SUCLG2: variants seen among roughly 807,000 people sequenced by gnomAD.
SUCLG2 encodes succinate--CoA ligase [GDP-forming] subunit beta, mitochondrial.
Under a neutral mutation model 47.9 loss-of-function variants are expected in SUCLG2, and 42 were observed. The observed-to-expected ratio is 0.88, with a 90% CI of 0.69 to 1.14. The LOEUF is 1.14. Among genes scored for constraint, SUCLG2 ranks in the 50% most tolerant of loss-of-function variants. SUCLG2 has a pLI of 0.00. For missense variants in SUCLG2, 571 were observed against 525.9 expected, an observed-to-expected ratio of 1.09 and a Z score of -0.84; for synonymous variants, 195 against 197.3, an observed-to-expected ratio of 0.99 and a Z score of 0.10.
At chr3:67,385,644 G>A (rs1243162219) in intron 10 of SUCLG2, among the ~76,000 whole-genome samples, 1 of 152,216 alleles carries the variant, frequency 6.6e-6, no homozygotes, top group East Asian at 1.9e-4. Context: ...GAAGTCTAGT[G>A]GAGCCTGTGA....
rs115888707 is a variant in SUCLG2 at position 67,511,992 on chromosome 3, G to C, written c.661-3089C>G. On this transcript the variant is annotated intron_variant, in intron 6 of 10. Coordinates refer to ENST00000307227, the MANE Select transcript of SUCLG2 (RefSeq NM_003848.4). ...CAGCCTTTCAAATAGCTGGACTACA[G>C]GCACATGCCACTAGGCTGAGCTAAT... Among the ~76,000 whole-genome samples, 777 of 151,060 alleles carry C rather than the reference G, an allele frequency of 5.1e-3. 59 individuals carry two copies. Among genetic ancestry groups the C allele is most frequent in the African/African-American group, 0.019 (755 of 40,434 alleles).
intron 9 of SUCLG2, among the ~76,000 whole-genome samples, chr3:67,442,381 C>T (rs1025048825): frequency 6.6e-6 from 1 of 152,128 alleles, no homozygotes; most frequent in Non-Finnish European, 1.5e-5. Flanking sequence ...CCTGGAACAG[C>T]GGCATCAGTA....
intron 2 of SUCLG2, among the ~76,000 whole-genome samples, chr3:67,603,765 A>G (rs1210812757): frequency 6.6e-6 from 1 of 152,246 alleles, no homozygotes; most frequent in Non-Finnish European, 1.5e-5. Context: ...TTATATACAA[A>G]TACTTTTTTA....
In SUCLG2 at chr3:67,539,642, T is replaced by A. The variant is rs150739154; in HGVS notation, c.227-10456A>T. Among the ~76,000 whole-genome samples the A allele has an allele frequency of 7.0e-3, 1,066 of 152,334 alleles. 9 individuals are homozygous for A. Among genetic ancestry groups the A allele is most frequent in the African/African-American group, 0.025 (1,021 of 41,576 alleles). On this transcript the variant is annotated intron_variant, in intron 2 of 10. Coordinates refer to ENST00000307227, the MANE Select transcript of SUCLG2 (RefSeq NM_003848.4). ...TAGTTTCAGAAGGAATGGTACCAGC[T>A]CCTCTTTGTACCTACGGCAGAAGTC...
intron 2 of SUCLG2, among the ~76,000 whole-genome samples, chr3:67,538,259 A>C (rs1706601389): frequency 6.6e-6 from 1 of 152,132 alleles, no homozygotes; most frequent in Non-Finnish European, 1.5e-5. Context: ...AGGCGTAAGG[A>C]AGGGGTCCAG....
intron 9 of SUCLG2, among the ~76,000 whole-genome samples, chr3:67,446,416 C>CTTTTTT (rs1703925530): frequency 1.3e-5 from 1 of 78,312 alleles, no homozygotes; most frequent in African/African-American, 5.0e-5. Context: ...TACATATGTA[C>CTTTTTT]ATTTTTTTTT....
Position 67,393,801 on chromosome 3 carries a change from C to G in SUCLG2, c.1183+6930G>C, listed in dbSNP as rs923485969. Among the ~76,000 whole-genome samples the G allele has an allele frequency of 5.3e-5, 8 of 152,124 alleles. No homozygotes were observed. The South Asian group carries it at 8.3e-4, about 16-fold the overall frequency. ...AGGGGCAGACTGACACCTCACATGG[C>G]CGGGTACTCCTCTGAGACAAAACTT... On this transcript the variant is annotated intron_variant, in intron 10 of 10. Coordinates refer to ENST00000307227, the MANE Select transcript of SUCLG2 (RefSeq NM_003848.4).
chr3:67,478,138 TAGCTC>T (rs1035268295), intron 9 of SUCLG2, among the ~76,000 whole-genome samples: 19 of 152,182 alleles, frequency 1.2e-4, no homozygotes, highest in African/African-American at 4.3e-4. Flanking sequence ...TCTTATCAGC[TAGCTC>T]AACAATGCCT....
chr3:67,612,520 T>C (rs1249010798), intron 1 of SUCLG2, among the ~76,000 whole-genome samples: 2 of 152,182 alleles, frequency 1.3e-5, no homozygotes, highest in Admixed American at 1.3e-4. Flanking sequence ...ATAACAATAA[T>C]AGTTCCATCT....
At chr3:67,598,837 T>C (rs892572914) in intron 2 of SUCLG2, among the ~76,000 whole-genome samples, 1 of 152,142 alleles carries the variant, frequency 6.6e-6, no homozygotes, top group Admixed American at 6.5e-5. Context: ...ATCCCACATT[T>C]TACAGATGAG....
chr3:67,488,620 A>G (rs1428349349), intron 9 of SUCLG2, among the ~76,000 whole-genome samples: 1 of 152,182 alleles, frequency 6.6e-6, no homozygotes, highest in Non-Finnish European at 1.5e-5. Context: ...GCCCTGCCAC[A>G]TAAGATTATT....
intron 9 of SUCLG2, among the ~76,000 whole-genome samples, chr3:67,446,417 A>AG (rs1427470893): frequency 0.01 from 328 of 32,134 alleles, 48 homozygotes; most frequent in Non-Finnish European, 0.013. Context: ...ACATATGTAC[A>AG]TTTTTTTTTT....
chr3:67,563,886 G>A (rs1170098211), intron 2 of SUCLG2, among the ~76,000 whole-genome samples: 6 of 150,276 alleles, frequency 4.0e-5, no homozygotes, highest in East Asian at 3.9e-4. Context: ...GCGTGAACCC[G>A]AGAGGCGAGC....
intron 4 of SUCLG2, among the ~76,000 whole-genome samples, chr3:67,525,315 G>T (rs1163664586): frequency 6.6e-6 from 1 of 152,136 alleles, no homozygotes; most frequent in Non-Finnish European, 1.5e-5. Flanking sequence ...ACTAGAACAG[G>T]TAAAACTGTT....
At chr3:67,619,684 A>C (rs2107331314) in intron 1 of SUCLG2, among the ~76,000 whole-genome samples, 1 of 152,344 alleles carries the variant, frequency 6.6e-6, no homozygotes, top group Middle Eastern at 3.4e-3. Flanking sequence ...TCAGCAGAAA[A>C]GCAGCATATA....
chr3:67,397,103 A>C (rs1381313338), intron 10 of SUCLG2, among the ~76,000 whole-genome samples: 19 of 151,640 alleles, frequency 1.3e-4, no homozygotes, highest in African/African-American at 4.4e-4. Flanking sequence ...TTCCCTTTGA[A>C]AACTGGCACA....
intron 9 of SUCLG2, among the ~76,000 whole-genome samples, chr3:67,428,168 G>T (rs1165511107): frequency 6.6e-6 from 1 of 152,204 alleles, no homozygotes; most frequent in African/African-American, 2.4e-5. Flanking sequence ...TGACCCCTGA[G>T]TAGCCTAACT....
chr3:67,581,403 A>C (rs1191268001), intron 2 of SUCLG2, among the ~76,000 whole-genome samples: 1 of 152,242 alleles, frequency 6.6e-6, no homozygotes, highest in East Asian at 1.9e-4. Flanking sequence ...AAGGACTGGA[A>C]GGTCTGTCAA....
chr3:67,595,159 T>A (rs1708265844), intron 2 of SUCLG2, among the ~76,000 whole-genome samples: 1 of 137,354 alleles, frequency 7.3e-6, no homozygotes, highest in South Asian at 2.3e-4. Context: ...TGTGGAAAAT[T>A]TTAGCTATTC....
Sources: allele counts gnomAD v4.1 joint callset (sites outside exome capture counted in the v4.1 genomes callset), GRCh38; gene constraint gnomAD v4.1.1; transcripts MANE v1.5; gene names NCBI Gene and HGNC (gene_info 2026-07-23, HGNC 2026-07-21).